Variants in CHD6 observed in about 807,000 individuals in gnomAD.
CHD6 encodes the protein ATP-dependent chromatin remodeler CHD6.
Under a neutral mutation model 276.9 loss-of-function variants are expected in CHD6, and 50 were observed. That is an observed-to-expected ratio of 0.18 (90% CI 0.14 to 0.23). CHD6 has a LOEUF of 0.23. CHD6 is among the 10% of genes least tolerant of loss of function. The pLI is 1.00. For synonymous variants in CHD6, 1,173 were observed against 1,229.3 expected (o/e 0.95, Z 0.96); for missense variants, 2,564 against 3,365.8 (o/e 0.76, Z 5.89).
At chr20:41,555,972 G>A (rs1423496566) in intron 1 of CHD6, among the ~76,000 whole-genome samples, 1 of 152,246 alleles carries the variant, frequency 6.6e-6, no homozygotes, top group African/African-American at 2.4e-5. Flanking sequence ...ATTGAGCACT[G>A]AGTGAGCCAG....
intron 8 of CHD6, among the ~76,000 whole-genome samples, chr20:41,494,630 G>A (rs1468900611): frequency 1.3e-5 from 2 of 152,150 alleles, no homozygotes; most frequent in African/African-American, 2.4e-5. Context: ...CCAAGTTGAC[G>A]GAGCTATGTT....
At chr20:41,483,566 T>C in intron 15 of CHD6, 47 bp from the exon 16 acceptor site, 2 of 1,386,424 alleles carry the variant, frequency 1.4e-6, no homozygotes, top group Non-Finnish European at 2.0e-6. Context: ...AATATAAGGA[T>C]AAAGGTTGTA....
At chr20:41,408,767 G>T (rs889082863) in intron 36 of CHD6, among the ~76,000 whole-genome samples, 1 of 152,196 alleles carries the variant, frequency 6.6e-6, no homozygotes, top group Non-Finnish European at 1.5e-5. Context: ...CACCTCAGAG[G>T]TCTTTCTGTT....
At chr20:41,618,013 C>A (rs1483311639) in intron 1 of CHD6, among the ~76,000 whole-genome samples, 3 of 147,142 alleles carry the variant, frequency 2.0e-5, no homozygotes, top group Admixed American at 2.0e-4. Context: ...CCCGGACCCC[C>A]GCCCCTGCGC....
At chr20:41,612,722 C>A (rs1174284161) in intron 1 of CHD6, among the ~76,000 whole-genome samples, 1 of 152,162 alleles carries the variant, frequency 6.6e-6, no homozygotes, top group Non-Finnish European at 1.5e-5. Flanking sequence ...TTCTTGGACC[C>A]AAAGTAGATA....
In CHD6 at chr20:41,451,849, G is replaced by A. The variant is rs373441168; in HGVS notation, c.3500C>T (p.Ala1167Val). Residue 1167 changes from alanine to valine, a missense_variant, in exon 22 of 37, where the codon GCC becomes GTC. Ala to Val is a moderately conservative substitution (Grantham distance 64). Around this residue, in one of 7 missense-constraint regions of CHD6, gnomAD observed 515 missense variants for 739.5 expected, o/e 0.70. Coordinates refer to ENST00000373233, the MANE Select transcript of CHD6 (RefSeq NM_032221.5). The stretch of plus-strand genomic sequence containing the variant: ...ACCTGAGTGGTTCTGGAGGGTCTGG[G>A]CTTGCCCATCTTTGGTAGGTGTGAT... ...ELITPTKDGQ[A>V]QTLQNHSGLS... 21 of 1,614,032 alleles carry A rather than the reference G, an allele frequency of 1.3e-5. No homozygotes were observed. In the African/African-American group the frequency reaches 2.8e-4, roughly 22 times the overall value.
At chr20:41,585,613 G>A (rs1182795105) in intron 1 of CHD6, among the ~76,000 whole-genome samples, 1 of 151,904 alleles carries the variant, frequency 6.6e-6, no homozygotes, top group Non-Finnish European at 1.5e-5. Flanking sequence ...GAGAACTCCA[G>A]GCGCAGATGA....
intron 23 of CHD6, among the ~76,000 whole-genome samples, chr20:41,450,085 GA>G (rs1358262308): frequency 2.0e-5 from 3 of 151,926 alleles, no homozygotes; most frequent in Non-Finnish European, 4.4e-5. Flanking sequence ...TATTTGAGGT[GA>G]TCAAGGGAAA....
At chr20:41,584,599 T>C (rs114713293) in intron 1 of CHD6, among the ~76,000 whole-genome samples, 114 of 151,970 alleles carry the variant, frequency 7.5e-4, no homozygotes, top group African/African-American at 2.4e-3. Context: ...CTCAACAAAT[T>C]TGAAAGAATT....
rs573079819 is a variant in CHD6, at chr20:41,436,507, C to A, written c.4068+767G>T. ...ACTATCATATGACCCAGCAATTACA[C>A]TCCTGGGCATTTATTCCAGAGAAAT... On this transcript the variant is annotated intron_variant, in intron 27 of 36. Coordinates refer to ENST00000373233, the MANE Select transcript of CHD6 (RefSeq NM_032221.5). Among the ~76,000 whole-genome samples, 160 of 152,324 alleles carry A rather than the reference C, an allele frequency of 1.1e-3. 4 individuals are homozygous for A. The highest frequency in any genetic ancestry group is 6.8e-3 in the Middle Eastern group (2 of 294).
chr20:41,414,297 G>A lies in CHD6; in HGVS notation c.6940-782C>T, dbSNP rs2145415567. The A allele has an allele frequency of 1.3e-5, 2 of 152,278 alleles. 1 individual carries two copies. The highest frequency in any genetic ancestry group is 4.1e-4 in the South Asian group (2 of 4,828). 9.4% of individuals were successfully genotyped at this position (152,278 alleles called of 1,614,324 possible). On this transcript the variant is annotated intron_variant, in intron 34 of 36. Coordinates refer to ENST00000373233, the MANE Select transcript of CHD6 (RefSeq NM_032221.5). ...TTCCTGCTTTGTCACTTACTAGCTG[G>A]ATAATCTTGGGGAAATTATTTAATG...
At chr20:41,447,346 T>C (rs138404844) in intron 24 of CHD6, among the ~76,000 whole-genome samples, 6 of 152,220 alleles carry the variant, frequency 3.9e-5, no homozygotes, top group Non-Finnish European at 1.5e-5. Flanking sequence ...ACAGCTTTAT[T>C]AAGTGGAAGC....
rs530740310 is a variant in CHD6, at chr20:41,536,404, C to T, written c.34-2834G>A. Among the ~76,000 whole-genome samples, 10 of 152,238 alleles carry T rather than the reference C, an allele frequency of 6.6e-5. No homozygotes were observed. The South Asian group carries it at 2.1e-3, about 32-fold the overall frequency. ...ATCCACAATATTCCTGGAAAAGACACTTAAAGACTTGAATCTAGATAAACT... is the reference window on the plus strand; with the variant it reads ...ATCCACAATATTCCTGGAAAAGACATTTAAAGACTTGAATCTAGATAAACT... On this transcript the variant is annotated intron_variant, in intron 2 of 36. Transcript: ENST00000373233.
chr20:41,468,358 C>T (rs2042977168), intron 17 of CHD6, among the ~76,000 whole-genome samples: 1 of 152,164 alleles, frequency 6.6e-6, no homozygotes, highest in Non-Finnish European at 1.5e-5. Context: ...GATCTGCCCG[C>T]CTCGGCCTCC....
At chr20:41,551,771 A>G (rs374832661) in intron 1 of CHD6, among the ~76,000 whole-genome samples, 131 of 152,346 alleles carry the variant, frequency 8.6e-4, no homozygotes, top group African/African-American at 3.0e-3. Flanking sequence ...AAATCAAGAA[A>G]GAGAAATACA....
Position 41,415,595 on chromosome 20 carries a change from T to G in CHD6, c.6530A>C (p.His2177Pro). Residue 2177 changes from histidine to proline, a missense_variant, in exon 34 of 37, where the codon CAC becomes CCC. Physicochemically the swap from His to Pro is moderately conservative, Grantham distance 77. Coordinates refer to ENST00000373233, the MANE Select transcript of CHD6 (RefSeq NM_032221.5). ...CACCTCAAACTCATAGGGACGCCTGTGCTTTTGTTCATCCTTTGTGAATAC... is the reference window on the plus strand; with the variant it reads ...CACCTCAAACTCATAGGGACGCCTGGGCTTTTGTTCATCCTTTGTGAATAC... ...APVFTKDEQK[H>P]RRPYEFEVER... 6.2e-7 allele frequency: 1 copy of G among 1,610,564 alleles called. No individual in the cohort carries two copies. The highest frequency in any genetic ancestry group is 8.5e-7 in the Non-Finnish European group (1 of 1,178,846).
Position 41,420,664 on chromosome 20 carries a change from C to T in CHD6, c.5971G>A (p.Val1991Met). Residue 1991 changes from valine to methionine, a missense_variant, in exon 31 of 37, where the codon GTG becomes ATG. By Grantham distance (21) the Val-to-Met change is conservative. Transcript: ENST00000373233. ...PTAIPSQPFK[V>M]KHELLKEPWK... Reference sequence around the variant, plus strand: ...GGTTCTTTTAAAAGCTCATGCTTCACTTTAAACGGCTGTGATGGAATAGCA... The same window carrying T: ...GGTTCTTTTAAAAGCTCATGCTTCATTTTAAACGGCTGTGATGGAATAGCA... 6.2e-7 allele frequency: 1 copy of T among 1,614,240 alleles called. No homozygotes were observed.
chr20:41,615,721 G>C (rs910072395), intron 1 of CHD6, among the ~76,000 whole-genome samples: 1 of 152,140 alleles, frequency 6.6e-6, no homozygotes, highest in Admixed American at 6.5e-5. Context: ...TCAGAACATG[G>C]GTGGTCCATG....
In CHD6 at chr20:41,579,762, T is replaced by C. The variant is rs1198531878; in HGVS notation, c.-23-28402A>G. On this transcript the variant is annotated intron_variant, in intron 1 of 36. Coordinates refer to ENST00000373233, the MANE Select transcript of CHD6 (RefSeq NM_032221.5). ...AACCTCCTTACCCTTAGGAAAATTA[T>C]TCAAAGAAACTGACCACTAAAACAT... Among the ~76,000 whole-genome samples the C allele has an allele frequency of 4.6e-5, 7 of 152,200 alleles. No individual in the cohort carries two copies. The East Asian group carries it at 1.3e-3, about 29-fold the overall frequency.
Sources: gnomAD v4.1 joint callset for allele counts (sites outside exome capture counted in the v4.1 genomes callset) on GRCh38, gnomAD v4.1.1 for gene constraint, gnomAD v4.1.1 regional missense constraint, MANE v1.5 for transcripts, NCBI Gene and HGNC (gene_info 2026-07-23, HGNC 2026-07-21) for gene names.